The following CRB1 variants were observed in gnomAD, a reference collection of about 807,000 sequenced individuals.
CRB1 encodes the protein protein crumbs homolog 1.
CRB1 carries 83 observed loss-of-function variants against 120.0 expected under a neutral mutation model. That is an observed-to-expected ratio of 0.69 (90% CI 0.58 to 0.83). CRB1 has a LOEUF of 0.83. CRB1 is among the 40% of genes least tolerant of loss of function. The pLI, the probability that CRB1 is intolerant of heterozygous loss-of-function variation, is 0.00. For synonymous variants in CRB1, 625 were observed against 612.5 expected, an observed-to-expected ratio of 1.02 and a Z score of -0.30; for missense variants, 1,699 against 1,687.6, an observed-to-expected ratio of 1.01 and a Z score of -0.12.
At chr1:197,348,284 C>T (rs1278568857) in intron 4 of CRB1, among the ~76,000 whole-genome samples, 1 of 152,074 alleles carries the variant, frequency 6.6e-6, no homozygotes, top group Admixed American at 6.5e-5. Context: ...ATGACAGCTT[C>T]ATGTGTGTTA....
chr1:197,227,282 A>T, the CRB1 span, among the ~76,000 whole-genome samples: 3 of 152,114 alleles, frequency 2.0e-5, no homozygotes, highest in African/African-American at 4.8e-5. Flanking sequence ...GGGTACAGGT[A>T]TTGTGTAAGT....
chr1:197,267,776 G>A (rs1201393575), upstream of CRB1, among the ~76,000 whole-genome samples: 2 of 152,178 alleles, frequency 1.3e-5, no homozygotes, highest in East Asian at 1.9e-4. Context: ...TTCATGAACC[G>A]AGAATAAAAT....
chr1:197,216,394 C>G, the CRB1 span, among the ~76,000 whole-genome samples: 1 of 152,018 alleles, frequency 6.6e-6, no homozygotes, highest in African/African-American at 2.4e-5. Context: ...ATGTATAGAT[C>G]CTGATAATAA....
At chr1:197,393,707 A>G (rs1662627450) in intron 5 of CRB1, among the ~76,000 whole-genome samples, 2 of 152,142 alleles carry the variant, frequency 1.3e-5, no homozygotes, top group East Asian at 1.9e-4. Flanking sequence ...TGTAATTTAC[A>G]TATTATTCCA....
intron 5 of CRB1, among the ~76,000 whole-genome samples, chr1:197,363,665 A>G (rs539757223): frequency 6.6e-6 from 1 of 152,158 alleles, no homozygotes; most frequent in Non-Finnish European, 1.5e-5. Context: ...CCAAAGACCA[A>G]CAAAGAGAAC....
rs1397788757 is a variant in CRB1 at position 197,347,443 on chromosome 1, G to A, written c.952G>A (p.Asp318Asn). The part of the protein sequence containing the change: ...KPCHNNATCE[D>N]SVDNYTCHCW... ...TTGTCACAATAATGCTACATGTGAG[G>A]ACAGTGTTGACAATTACACTTGTCA... The change falls in exon 4 of 12, where the codon GAC becomes AAC. Residue 318 changes from aspartate (D) to asparagine (N), a missense_variant. By Grantham distance (23) the Asp-to-Asn change is conservative. Coordinates refer to ENST00000367400, the MANE Select transcript of CRB1 (RefSeq NM_201253.3). 1 of 1,614,118 alleles carries A rather than the reference G, an allele frequency of 6.2e-7. No homozygotes were observed. Among genetic ancestry groups the A allele is most frequent in the East Asian group, 2.2e-5 (1 of 44,874 alleles).
At chr1:197,276,382 T>C (rs910076784) in intron 1 of CRB1, among the ~76,000 whole-genome samples, 1 of 151,820 alleles carries the variant, frequency 6.6e-6, no homozygotes, top group East Asian at 1.9e-4. Flanking sequence ...TCCATAATTT[T>C]TTTATTTACT....
At chr1:197,381,593 C>G (rs566067145) in intron 5 of CRB1, among the ~76,000 whole-genome samples, 1 of 152,130 alleles carries the variant, frequency 6.6e-6, no homozygotes, top group African/African-American at 2.4e-5. Flanking sequence ...AGTAAATTCT[C>G]TCACTATAAT....
chr1:197,353,263 G>C (rs1335639241), intron 4 of CRB1, among the ~76,000 whole-genome samples: 1 of 152,172 alleles, frequency 6.6e-6, no homozygotes, highest in African/African-American at 2.4e-5. Context: ...ACTTGAAGGA[G>C]AGTTTTCTAG....
At chr1:197,434,324 T>C (rs1263326525) in intron 8 of CRB1, among the ~76,000 whole-genome samples, 1 of 151,498 alleles carries the variant, frequency 6.6e-6, no homozygotes, top group East Asian at 1.9e-4. Flanking sequence ...ATCAATGCTT[T>C]ATTTGTGGGA....
chr1:197,402,709 G>A (rs1432772967), intron 5 of CRB1, among the ~76,000 whole-genome samples: 1 of 152,090 alleles, frequency 6.6e-6, no homozygotes, highest in Non-Finnish European at 1.5e-5. Flanking sequence ...TATCACAGAT[G>A]CAGTTTTAAA....
At chr1:197,329,501 C>A (rs1658728051) in intron 2 of CRB1, among the ~76,000 whole-genome samples, 2 of 152,154 alleles carry the variant, frequency 1.3e-5, no homozygotes, top group Admixed American at 1.3e-4. Context: ...GAAAAAAAGC[C>A]TGTTCTTGTT....
At chr1:197,283,948 A>G (rs1363356966) in intron 1 of CRB1, among the ~76,000 whole-genome samples, 1 of 151,948 alleles carries the variant, frequency 6.6e-6, no homozygotes, top group African/African-American at 2.4e-5. Flanking sequence ...CTGAAAAGTT[A>G]TATTAGAAAA....
At chr1:197,366,866 A>G (rs1661105207) in intron 5 of CRB1, among the ~76,000 whole-genome samples, 1 of 152,228 alleles carries the variant, frequency 6.6e-6, no homozygotes, top group Admixed American at 6.5e-5. Context: ...GAATTGAACC[A>G]TGCCTCTAGA....
intron 10 of CRB1, chr1:197,441,452 T>A (rs1443944430): frequency 6.6e-6 from 1 of 152,160 alleles, no homozygotes. Flanking sequence ...TGATGTCACT[T>A]GTCTTGGAAA....
chr1:197,325,345 T>C (rs1323256438), intron 1 of CRB1, among the ~76,000 whole-genome samples: 1 of 152,226 alleles, frequency 6.6e-6, no homozygotes, highest in Non-Finnish European at 1.5e-5. Flanking sequence ...GCATTGTTTA[T>C]ACCTTCTATT....
intron 1 of CRB1, among the ~76,000 whole-genome samples, chr1:197,298,823 A>G (rs1310722385): frequency 3.9e-5 from 6 of 152,128 alleles, no homozygotes; most frequent in African/African-American, 1.4e-4. Context: ...ATTTATTGAT[A>G]TTGAAAACAT....
intron 5 of CRB1, among the ~76,000 whole-genome samples, chr1:197,420,086 C>T (rs1664223592): frequency 1.3e-5 from 2 of 151,320 alleles, no homozygotes. Context: ...TCAATTTACT[C>T]TGTGAAAGAG....
chr1:197,239,258 A>G, the CRB1 span, among the ~76,000 whole-genome samples: 12 of 152,128 alleles, frequency 7.9e-5, no homozygotes, highest in East Asian at 2.3e-3. Context: ...TTTATTCTAG[A>G]TTATTTCTGA....
Sources: gnomAD v4.1 joint callset for allele counts (sites outside exome capture counted in the v4.1 genomes callset) on GRCh38, gnomAD v4.1.1 for gene constraint, MANE v1.5 for transcripts, NCBI Gene and HGNC (gene_info 2026-07-23, HGNC 2026-07-21) for gene names.